AASS: variants seen among roughly 807,000 people sequenced by gnomAD.
AASS encodes the protein aminoadipate-semialdehyde synthase, also known as alpha-aminoadipic semialdehyde synthase, mitochondrial.
A neutral mutation model predicts 105.4 loss-of-function variants in AASS; 86 were observed. That is an observed-to-expected ratio of 0.82 (90% CI 0.69 to 0.98). The LOEUF (loss-of-function observed/expected upper bound fraction) is 0.98. AASS is among the 50% of genes least tolerant of loss of function. The probability of loss-of-function intolerance (pLI) is 0.00; values close to 1 mark genes in which losing one functional copy is unlikely to be tolerated. For missense variants in AASS, 1,048 were observed against 1,143.2 expected, an observed-to-expected ratio of 0.92 and a Z score of 1.20; for synonymous variants, 381 against 394.8, an observed-to-expected ratio of 0.96 and a Z score of 0.41.
At chr7:122,118,691 C>T in intron 4 of AASS, 61 bp from the exon 5 acceptor site, 4 of 1,532,342 alleles carry the variant, frequency 2.6e-6, no homozygotes, top group Non-Finnish European at 3.6e-6. Flanking sequence ...GCTGTTCTCT[C>T]TGCTCGTTCT....
chr7:122,092,813 A>T (rs377504696), intron 17 of AASS, 30 bp downstream of exon 17: 10 of 1,520,134 alleles, frequency 6.6e-6, no homozygotes, highest in African/African-American at 5.5e-5. Context: ...AGACATTTTA[A>T]TGTTGCCTTT....
intron 4 of AASS, among the ~76,000 whole-genome samples, chr7:122,124,476 T>C (rs1795569957): frequency 6.6e-6 from 1 of 152,132 alleles, no homozygotes; most frequent in Non-Finnish European, 1.5e-5. Flanking sequence ...AGAGAAGGGG[T>C]TTCACCATGT....
intron 9 of AASS, 47 bp downstream of exon 9, chr7:122,115,027 G>C (rs1395155531): frequency 1.2e-6 from 2 of 1,613,422 alleles, no homozygotes; most frequent in Non-Finnish European, 1.7e-6. Flanking sequence ...TCTAATAATG[G>C]AAGCAGCTGG....
At chr7:122,128,756 C>A (rs1342966385) in intron 3 of AASS, among the ~76,000 whole-genome samples, 3 of 152,104 alleles carry the variant, frequency 2.0e-5, no homozygotes, top group Admixed American at 2.0e-4. Context: ...CTCAAAAATG[C>A]ATTTTCCCTT....
chr7:122,091,596 GAC>G, intron 18 of AASS, 105 bp downstream of exon 18: 1 of 1,524,276 alleles, frequency 6.6e-7, no homozygotes, highest in Non-Finnish European at 9.0e-7. Context: ...AGATAATGGA[GAC>G]AGGCAGCATC....
chr7:122,133,821 G>A, intron 1 of AASS, 80 bp from the exon 2 acceptor site: 3 of 1,199,834 alleles, frequency 2.5e-6, no homozygotes, highest in East Asian at 2.3e-5. Context: ...AGAAATCTGA[G>A]GTAAAATACA....
chr7:122,101,981 A>G (rs936337047), intron 11 of AASS, among the ~76,000 whole-genome samples: 23 of 151,860 alleles, frequency 1.5e-4, no homozygotes, highest in African/African-American at 5.1e-4. Context: ...GTATCATATT[A>G]AGCATGTTGT....
chr7:122,113,429 ATG>A (rs1174884316), intron 10 of AASS, among the ~76,000 whole-genome samples, 167 bp downstream of exon 10: 1 of 152,176 alleles, frequency 6.6e-6, no homozygotes, highest in East Asian at 1.9e-4. Context: ...ATATTTGTGT[ATG>A]TGTGTGTGTT....
chr7:122,108,118 G>GA (rs1421242519), intron 11 of AASS, among the ~76,000 whole-genome samples: 1 of 151,764 alleles, frequency 6.6e-6, no homozygotes, highest in Non-Finnish European at 1.5e-5. Flanking sequence ...GATTGAACCA[G>GA]AAAAAAATAA....
intron 6 of AASS, 26 bp from the exon 7 acceptor site, chr7:122,116,983 C>T (rs765686692): frequency 6.3e-7 from 1 of 1,597,302 alleles, no homozygotes; most frequent in South Asian, 1.1e-5. Context: ...GAGTAAAAAT[C>T]CAAAAATCAA....
At chr7:122,112,744 T>C (rs771258664) in intron 11 of AASS, among the ~76,000 whole-genome samples, 1 of 152,332 alleles carries the variant, frequency 6.6e-6, no homozygotes, top group South Asian at 2.1e-4. Flanking sequence ...AAAAATGTTC[T>C]ATATTTCTAA....
chr7:122,107,902 T>C (rs1015834676), intron 11 of AASS, among the ~76,000 whole-genome samples: 11 of 145,698 alleles, frequency 7.5e-5, no homozygotes, highest in Non-Finnish European at 1.3e-4. Flanking sequence ...TTTTTTTAAG[T>C]ATGTATTAGC....
In AASS at chr7:122,091,684, C is replaced by CT. The variant is rs1394692520; in HGVS notation, c.2016+18dup. The CT allele has an allele frequency of 6.2e-7, 1 of 1,613,220 alleles. No individual in the cohort carries two copies. Among genetic ancestry groups the CT allele is most frequent in the Admixed American group, 1.7e-5 (1 of 59,924 alleles). On this transcript the variant is annotated intron_variant, in intron 18 of 23. Coordinates refer to ENST00000417368, the MANE Select transcript of AASS (RefSeq NM_005763.4). ...GTTATTGCAGGTTGATATCACTATG[C>CT]TTGGATAAGATTCCTCACCTTTCCA...
chr7:122,137,000 AAGAC>A (rs1796170969), intron 1 of AASS, among the ~76,000 whole-genome samples: 1 of 152,208 alleles, frequency 6.6e-6, no homozygotes, highest in African/African-American at 2.4e-5. Flanking sequence ...ACTAGGGAAA[AAGAC>A]AGAAGTGCCT....
chr7:122,127,598 C>A (rs1795714792), intron 3 of AASS, among the ~76,000 whole-genome samples: 1 of 152,032 alleles, frequency 6.6e-6, no homozygotes, highest in African/African-American at 2.4e-5. Flanking sequence ...TGAACTTATT[C>A]TTTAGAAATA....
At chr7:122,143,484 C>T (rs1796494625) in intron 1 of AASS, among the ~76,000 whole-genome samples, 1 of 151,156 alleles carries the variant, frequency 6.6e-6, no homozygotes, top group Admixed American at 6.6e-5. Context: ...CCCCGTCCCG[C>T]GCGAGCGCTC....
Position 122,074,792 on chromosome 7 carries a change from GATCA to G in AASS, c.*1693_*1696del, listed in dbSNP as rs1474664467. The stretch of plus-strand genomic sequence containing the variant: ...TCAAAAGTCAGTTGATGATAAATGT[GATCA>G]ATATTTCTGGACCCTCAATTATATT... On this transcript the variant is annotated 3_prime_UTR_variant, in exon 24 of 24. Coordinates refer to ENST00000417368, the MANE Select transcript of AASS (RefSeq NM_005763.4). Among the ~76,000 whole-genome samples the G allele has an allele frequency of 6.6e-6, 1 of 152,100 alleles. No homozygotes were observed. The highest frequency in any genetic ancestry group is 1.5e-5 in the Non-Finnish European group (1 of 68,010).
chr7:122,081,510 G>A lies in AASS; in HGVS notation c.2270C>T (p.Pro757Leu), dbSNP rs772638222. The A allele has an allele frequency of 6.2e-7, 1 of 1,613,346 alleles. No individual in the cohort carries two copies. The highest frequency in any genetic ancestry group is 8.5e-7 in the Non-Finnish European group (1 of 1,179,268). ...TTCGGAGTCACTCACCCAGGTGAGA[G>A]GGTTGGCCTCAGGTCTAAAGGCAGG... is the stretch of plus-strand genomic sequence containing the variant. The part of the protein sequence containing the change: ...ALPAFRPEAN[P>L]LTWKQLLCDL... The change falls in exon 20 of 24, where the codon CCT (proline) becomes CTT (leucine). Residue 757 changes from proline to leucine, a missense_variant. Coordinates refer to ENST00000417368, the MANE Select transcript of AASS (RefSeq NM_005763.4).
intron 1 of AASS, among the ~76,000 whole-genome samples, chr7:122,135,358 T>C (rs1225260536): frequency 1.3e-5 from 2 of 151,908 alleles, no homozygotes; most frequent in African/African-American, 2.4e-5. Flanking sequence ...GTTAAATCAC[T>C]CTGCTTCCTA....
Sources: allele counts gnomAD v4.1 joint callset (sites outside exome capture counted in the v4.1 genomes callset), GRCh38; gene constraint gnomAD v4.1.1; transcripts MANE v1.5; gene names NCBI Gene and HGNC (gene_info 2026-07-23, HGNC 2026-07-21).